The following NASP variants were observed in gnomAD, a reference collection of about 807,000 sequenced individuals.
NASP encodes the protein NASP histone chaperone.
In NASP, 24 loss-of-function variants were observed where a neutral mutation model predicts 89.5. That is an observed-to-expected ratio of 0.27 (90% CI 0.19 to 0.38). The LOEUF is 0.38. Ranked by LOEUF, NASP falls within the 10% of genes least tolerant of loss-of-function variation. The probability of loss-of-function intolerance (pLI) is 1.00; values close to 1 mark genes in which losing one functional copy is unlikely to be tolerated. For synonymous variants in NASP, 306 were observed against 324.7 expected, an observed-to-expected ratio of 0.94 and a Z score of 0.62; for missense variants, 848 against 921.4, an observed-to-expected ratio of 0.92 and a Z score of 1.03.
chr1:45,613,372 G>C, intron 7 of NASP, 124 bp downstream of exon 7: 1 of 1,142,914 alleles, frequency 8.7e-7, no homozygotes, highest in Non-Finnish European at 1.2e-6. Context: ...CTGCAGCCTA[G>C]ACCCGGGCTT....
At position 45,584,265 on chromosome 1, in the gene NASP, G is replaced by C. The variant is rs1033026479; in HGVS notation, c.59+60G>C. The C allele has an allele frequency of 2.7e-6, 4 of 1,479,696 alleles. No individual in the cohort carries two copies. The African/African-American group carries it at 4.2e-5, about 15-fold the overall frequency. 91.7% of individuals were successfully genotyped at this position (1,479,696 alleles called of 1,614,324 possible). On this transcript the variant is annotated intron_variant, in intron 1 of 14. Coordinates refer to ENST00000350030, the MANE Select transcript of NASP (RefSeq NM_002482.4). ...CAGTCCGCGGGGAGGGCTAATGGAC[G>C]GGGGCTCCGGAGAAGGGGCAGACCG...
intron 2 of NASP, 55 bp from the exon 3 acceptor site, chr1:45,602,200 C>CA: frequency 6.5e-7 from 1 of 1,545,174 alleles, no homozygotes; most frequent in Non-Finnish European, 8.7e-7. Flanking sequence ...AGCAGGTATT[C>CA]AAAAAATACT....
chr1:45,584,360 CCTT>C (rs1219423927), intron 1 of NASP, among the ~76,000 whole-genome samples, 155 bp downstream of exon 1: 35 of 152,362 alleles, frequency 2.3e-4, no homozygotes, highest in East Asian at 5.8e-4. Flanking sequence ...CTGGAGCAGT[CCTT>C]CTTTTGCTGA....
At position 45,614,383 on chromosome 1, in the gene NASP, T is replaced by C. The variant is rs560932174; in HGVS notation, c.1666+17T>C. On this transcript the variant is annotated intron_variant, in intron 9 of 14. Transcript: ENST00000350030. ...TTGAATCTGGTAATGCATTTTCCAT[T>C]TTATACTCTCCTACTCTCTTCAGCT... The C allele has an allele frequency of 5.1e-6, 8 of 1,577,106 alleles. No homozygotes were observed. Among genetic ancestry groups the C allele is most frequent in the South Asian group, 4.4e-5 (4 of 90,336 alleles).
At chr1:45,611,308 T>C (rs776467452) in intron 6 of NASP, 8 of 152,310 alleles carry the variant, frequency 5.3e-5, no homozygotes, top group Admixed American at 5.2e-4. Context: ...AAACAAAATA[T>C]CTTAATTACT....
chr1:45,613,137 T>C (rs201077679), intron 6 of NASP, 32 bp from the exon 7 acceptor site: 464 of 1,589,930 alleles, frequency 2.9e-4, no homozygotes, highest in Non-Finnish European at 3.7e-4. Context: ...TTCTTAGTTA[T>C]ATTCTCAATA....
intron 2 of NASP, among the ~76,000 whole-genome samples, chr1:45,597,010 A>G (rs1643714392): frequency 6.6e-6 from 1 of 151,662 alleles, no homozygotes; most frequent in Admixed American, 6.6e-5. Context: ...GAAAAGAAAA[A>G]AGAAATTACC....
At position 45,617,538 on chromosome 1, in the gene NASP, A is replaced by G. The variant is rs1344411330; in HGVS notation, c.2233A>G (p.Ser745Gly). ...AKQEPEVNGGSGDAVPSGNEV... is the reference protein window; with the variant it reads ...AKQEPEVNGGGGDAVPSGNEV... ...ACAAGAGCCGGAGGTGAACGGAGGC[A>G]GTGGGGATGCTGTCCCCAGTGGAAA... Residue 745 changes from serine to glycine, a missense_variant, in exon 14 of 15, where the codon AGT becomes GGT. Ser to Gly is a moderately conservative substitution (Grantham distance 56, BLOSUM62 0). Transcript: ENST00000350030. The G allele has an allele frequency of 6.2e-7, 1 of 1,609,842 alleles. No individual in the cohort carries two copies. Among genetic ancestry groups the G allele is most frequent in the African/African-American group, 1.3e-5 (1 of 74,632 alleles).
At chr1:45,610,444 T>A (rs1453797815) in intron 6 of NASP, 1 of 152,236 alleles carries the variant, frequency 6.6e-6, no homozygotes, top group Non-Finnish European at 1.5e-5. Flanking sequence ...AACCACTTAC[T>A]TTCTGTGCTT....
chr1:45,618,086 C>A lies in NASP; in HGVS notation c.2312C>A (p.Ala771Glu), dbSNP rs1644138786. 1.9e-6 allele frequency: 3 copies of A among 1,603,204 alleles called. No homozygotes were observed. The East Asian group carries it at 6.7e-5, about 36-fold the overall frequency. The change falls in exon 15 of 15, where the codon GCA becomes GAA. Residue 771 changes from alanine (A) to glutamate (E), a missense_variant. Ala to Glu is a moderately radical substitution (Grantham distance 107). Transcript: ENST00000350030. ...GCTGAGAATCAGGCTGAAAGCCGGGCAGCAGTGGAGGGGACAGTGGAGGCT... is the reference window on the plus strand; with the variant it reads ...GCTGAGAATCAGGCTGAAAGCCGGGAAGCAGTGGAGGGGACAGTGGAGGCT... Reference protein sequence around the residue: ...EEAENQAESRAAVEGTVEAGA... With the variant: ...EEAENQAESREAVEGTVEAGA...
Position 45,604,922 on chromosome 1 carries a change from T to C in NASP, c.219-14T>C. ...GATGGTAATTCAGATTTTAGATGTT[T>C]ATTCTCTTTGTAGAGGTAAGAAGTA... is the stretch of plus-strand genomic sequence containing the variant. On this transcript the variant is annotated splice_polypyrimidine_tract_variant and intron_variant, in intron 3 of 14. Transcript: ENST00000350030. 1 of 1,574,216 alleles carries C rather than the reference T, an allele frequency of 6.4e-7. No homozygotes were observed. Among genetic ancestry groups the C allele is most frequent in the Non-Finnish European group, 8.7e-7 (1 of 1,148,060 alleles).
Position 45,617,479 on chromosome 1 carries a change from A to T in NASP, c.2174A>T (p.Glu725Val). 6.2e-7 allele frequency: 1 copy of T among 1,613,580 alleles called. No homozygotes were observed. Among genetic ancestry groups the T allele is most frequent in the Non-Finnish European group, 8.5e-7 (1 of 1,179,874 alleles). ...LVRKKRKPEE[E>V]SPRKDDAKKA... is the part of the protein sequence containing the mutation. ...TATCTTTAGAGGAAACCAGAGGAAG[A>T]GAGTCCCCGGAAAGATGATGCAAAG... The change falls in exon 14 of 15, where the codon GAG (glutamate) becomes GTG (valine). Residue 725 changes from glutamate (E) to valine (V), a missense_variant. Glu to Val is a moderately radical substitution (Grantham distance 121). This residue lies in a region of NASP where 218 missense variants were observed against 219.6 expected (regional missense o/e 0.99). Transcript: ENST00000350030.
chr1:45,599,908 C>A (rs992326452), intron 2 of NASP, among the ~76,000 whole-genome samples: 4 of 149,248 alleles, frequency 2.7e-5, no homozygotes, highest in African/African-American at 9.9e-5. Context: ...TCTTTTAGAG[C>A]TTTGAACTTA....
chr1:45,613,062 T>C (rs1167958874), intron 6 of NASP, 107 bp from the exon 7 acceptor site: 6 of 1,414,706 alleles, frequency 4.2e-6, no homozygotes, highest in Non-Finnish European at 5.6e-6. Flanking sequence ...TGGATTAGCA[T>C]CTGGCCTGTC....
chr1:45,598,783 T>C (rs992727092), intron 2 of NASP, among the ~76,000 whole-genome samples: 1 of 152,214 alleles, frequency 6.6e-6, no homozygotes, highest in African/African-American at 2.4e-5. Flanking sequence ...GTTCTAGAAC[T>C]TTTCATCTAG....
intron 13 of NASP, 140 bp from the exon 14 acceptor site, chr1:45,617,323 G>C: frequency 1.0e-6 from 1 of 959,284 alleles, no homozygotes; most frequent in Non-Finnish European, 1.6e-6. Context: ...GCATCTGCCT[G>C]TGGCTAGGGA....
intron 2 of NASP, among the ~76,000 whole-genome samples, chr1:45,591,936 T>C (rs1643560040): frequency 6.6e-6 from 1 of 152,222 alleles, no homozygotes; most frequent in Admixed American, 6.6e-5. Flanking sequence ...TTCTTCTGCC[T>C]CAGCCTCCTG....
At chr1:45,593,056 T>G (rs369409537) in intron 2 of NASP, among the ~76,000 whole-genome samples, 2 of 152,308 alleles carry the variant, frequency 1.3e-5, no homozygotes, top group South Asian at 4.1e-4. Flanking sequence ...AGCACTCTGT[T>G]TTTAGTAATG....
At chr1:45,599,052 ACTC>A (rs1330768387) in intron 2 of NASP, among the ~76,000 whole-genome samples, 1 of 151,662 alleles carries the variant, frequency 6.6e-6, no homozygotes, top group South Asian at 2.1e-4. Flanking sequence ...CCTCTCTAAT[ACTC>A]CTCAGGTTCC....
Sources: gnomAD v4.1 joint callset for allele counts (sites outside exome capture counted in the v4.1 genomes callset) on GRCh38, gnomAD v4.1.1 for gene constraint, gnomAD v4.1.1 regional missense constraint, MANE v1.5 for transcripts, NCBI Gene and HGNC (gene_info 2026-07-23, HGNC 2026-07-21) for gene names.